GRID2: variants seen among roughly 807,000 people sequenced by gnomAD.
GRID2 encodes the protein glutamate ionotropic receptor delta type subunit 2, also known as glutamate receptor ionotropic, delta-2.
A neutral mutation model predicts 114.8 loss-of-function variants in GRID2; 33 were observed. That is an observed-to-expected ratio of 0.29 (90% CI 0.22 to 0.38). The LOEUF (loss-of-function observed/expected upper bound fraction) is 0.38. GRID2 is among the 10% of genes least tolerant of loss of function. The pLI is 1.00. For missense variants in GRID2, 1,184 were observed against 1,257.7 expected (o/e 0.94, Z 0.89); for synonymous variants, 505 against 449.9 (o/e 1.12, Z -1.55).
At chr4:92,304,818 C>G (rs888108489) in intron 1 of GRID2, 74 bp downstream of exon 1, 39 of 1,043,996 alleles carry the variant, frequency 3.7e-5, no homozygotes, top group Admixed American at 5.2e-5. Flanking sequence ...TCGCTTTCCC[C>G]CTCTCCGGTC....
intron 1 of GRID2, among the ~76,000 whole-genome samples, chr4:92,566,818 G>A (rs1006656801): frequency 1.3e-5 from 2 of 152,150 alleles, no homozygotes; most frequent in African/African-American, 4.8e-5. Flanking sequence ...TTCACTCAAA[G>A]TATGACTAGT....
intron 8 of GRID2, among the ~76,000 whole-genome samples, chr4:93,310,590 A>G (rs1755910047): frequency 6.6e-6 from 1 of 152,198 alleles, no homozygotes; most frequent in African/African-American, 2.4e-5. Flanking sequence ...TTTGTGTGGA[A>G]AATCCTTAAA....
chr4:93,225,190 A>C (rs1382938325), intron 7 of GRID2, among the ~76,000 whole-genome samples: 1 of 152,208 alleles, frequency 6.6e-6, no homozygotes, highest in Non-Finnish European at 1.5e-5. Flanking sequence ...GATGGCCTTT[A>C]ATTTATCTCA....
At chr4:92,764,835 A>G (rs147413574) in intron 2 of GRID2, among the ~76,000 whole-genome samples, 1 of 152,196 alleles carries the variant, frequency 6.6e-6, no homozygotes, top group Admixed American at 6.5e-5. Context: ...AGTATTGTAT[A>G]GTAGAAAGCA....
At chr4:92,440,964 G>A (rs1244221454) in intron 1 of GRID2, among the ~76,000 whole-genome samples, 2 of 151,958 alleles carry the variant, frequency 1.3e-5, no homozygotes, top group Non-Finnish European at 2.9e-5. Context: ...AATAGATTTT[G>A]GAAGTTATGA....
intron 2 of GRID2, among the ~76,000 whole-genome samples, chr4:92,712,778 TTTC>T (rs1553919630): frequency 6.6e-6 from 1 of 152,116 alleles, no homozygotes; most frequent in Non-Finnish European, 1.5e-5. Context: ...GTGTTACACA[TTTC>T]TTTAGGTAAA....
At chr4:92,549,563 A>G (rs1726472718) in intron 1 of GRID2, among the ~76,000 whole-genome samples, 1 of 152,182 alleles carries the variant, frequency 6.6e-6, no homozygotes, top group African/African-American at 2.4e-5. Context: ...TGACAAAGGG[A>G]CTGAGGGCTA....
Position 92,731,170 on chromosome 4 carries a change from A to G in GRID2, c.244+140884A>G, listed in dbSNP as rs1041176016. The stretch of plus-strand genomic sequence containing the variant: ...TTTGAGGGTTTAAAAGCTCTTCATC[A>G]TTATAGAATTTAGAGACTAAATAAT... On this transcript the variant is annotated intron_variant, in intron 2 of 15. Transcript: ENST00000282020. Among the ~76,000 whole-genome samples, 3 of 151,918 alleles carry G rather than the reference A, an allele frequency of 2.0e-5. No homozygotes were observed. The South Asian group carries it at 6.2e-4, about 31-fold the overall frequency.
chr4:93,318,832 G>A (rs949025345), intron 8 of GRID2: 20 of 152,156 alleles, frequency 1.3e-4, no homozygotes, highest in African/African-American at 4.1e-4. Context: ...TGGAGTCACA[G>A]CATGAGATGA....
At position 93,167,835 on chromosome 4, in the gene GRID2, T is replaced by G. The variant is rs116012171; in HGVS notation, c.736-39569T>G. 1.6e-3 allele frequency among the ~76,000 whole-genome samples: 240 copies of G among 152,252 alleles called. 1 individual carries two copies. The highest frequency in any genetic ancestry group is 5.6e-3 in the African/African-American group (231 of 41,542). On this transcript the variant is annotated intron_variant, in intron 4 of 15. Coordinates refer to ENST00000282020, the MANE Select transcript of GRID2 (RefSeq NM_001510.4). ...AAATTTCTAATATTTTAGAGATGCATTCTGAAAAATTTTATAGATTTGTTT... is the reference window on the plus strand; with the variant it reads ...AAATTTCTAATATTTTAGAGATGCAGTCTGAAAAATTTTATAGATTTGTTT...
intron 13 of GRID2, among the ~76,000 whole-genome samples, chr4:93,520,037 A>G (rs1730176943): frequency 6.6e-6 from 1 of 152,128 alleles, no homozygotes; most frequent in South Asian, 2.1e-4. Context: ...GGCCAGTGTC[A>G]TGGGTTTTAG....
intron 2 of GRID2, among the ~76,000 whole-genome samples, chr4:92,955,634 G>A (rs1339180749): frequency 1.3e-5 from 2 of 152,034 alleles, no homozygotes; most frequent in African/African-American, 4.8e-5. Flanking sequence ...GACCCCATTT[G>A]TCAATTTTGG....
At chr4:93,369,451 AACCTAC>A (rs1407217047) in intron 8 of GRID2, among the ~76,000 whole-genome samples, 1 of 152,184 alleles carries the variant, frequency 6.6e-6, no homozygotes, top group African/African-American at 2.4e-5. Context: ...ACCATGATTT[AACCTAC>A]TACAAAAGCA....
chr4:92,843,578 C>A (rs886634709), intron 2 of GRID2, among the ~76,000 whole-genome samples: 8 of 151,982 alleles, frequency 5.3e-5, no homozygotes, highest in African/African-American at 1.9e-4. Flanking sequence ...AAAATAAATA[C>A]AATATCATGA....
intron 11 of GRID2, among the ~76,000 whole-genome samples, chr4:93,458,762 AAAGGGATAAC>A (rs1369300231): frequency 5.3e-5 from 8 of 152,268 alleles, no homozygotes; most frequent in Non-Finnish European, 1.5e-5. Context: ...ATATGTAAAA[AAAGGGATAAC>A]AAGACAAATG....
chr4:92,907,284 C>G (rs559395849), intron 2 of GRID2, among the ~76,000 whole-genome samples: 37 of 152,292 alleles, frequency 2.4e-4, no homozygotes, highest in African/African-American at 7.9e-4. Flanking sequence ...ATTGTCTCAT[C>G]TGTCCTGCAC....
intron 13 of GRID2, among the ~76,000 whole-genome samples, chr4:93,603,126 CT>C (rs1739867645): frequency 6.6e-6 from 1 of 152,128 alleles, no homozygotes; most frequent in African/African-American, 2.4e-5. Context: ...AGGATAATCG[CT>C]TGAACTCAGG....
chr4:93,728,221 T>C (rs1730126756), intron 14 of GRID2, among the ~76,000 whole-genome samples: 1 of 152,198 alleles, frequency 6.6e-6, no homozygotes, highest in Non-Finnish European at 1.5e-5. Context: ...ACATCTTTAT[T>C]TCTGCCTTCG....
At chr4:93,106,283 G>T (rs1732222870) in intron 3 of GRID2, among the ~76,000 whole-genome samples, 1 of 152,130 alleles carries the variant, frequency 6.6e-6, no homozygotes, top group Non-Finnish European at 1.5e-5. Flanking sequence ...AGATAATGTG[G>T]CTGAATGATT....
Sources: gnomAD v4.1 joint callset for allele counts (sites outside exome capture counted in the v4.1 genomes callset) on GRCh38, gnomAD v4.1.1 for gene constraint, MANE v1.5 for transcripts, NCBI Gene and HGNC (gene_info 2026-07-23, HGNC 2026-07-21) for gene names.